TNK2: variants seen among roughly 807,000 people sequenced by gnomAD.
TNK2 encodes activated CDC42 kinase 1.
TNK2 carries 83 observed loss-of-function variants against 101.8 expected under a neutral mutation model. The ratio of observed to expected loss-of-function variants is 0.82; its 90% CI spans 0.68 to 0.98. The LOEUF is 0.98. TNK2 is among the 50% of genes least tolerant of loss of function. TNK2 has a pLI of 0.00. For missense variants in TNK2, 1,665 were observed against 1,483.2 expected (o/e 1.12, Z -2.01); for synonymous variants, 804 against 633.0 (o/e 1.27, Z -4.06).
chr3:195,898,420 G>T (rs887612123), intron 1 of TNK2, among the ~76,000 whole-genome samples: 7 of 152,166 alleles, frequency 4.6e-5, no homozygotes, highest in African/African-American at 1.4e-4. Flanking sequence ...CTGTCATGAA[G>T]AGTCCACCAC....
At chr3:195,903,234 G>T (rs1303926518) in intron 1 of TNK2, among the ~76,000 whole-genome samples, 2 of 149,858 alleles carry the variant, frequency 1.3e-5, no homozygotes, top group Non-Finnish European at 3.0e-5. Context: ...TGGAGGCGGG[G>T]TTTCACCATG....
intron 1 of TNK2, chr3:195,892,744 T>G (rs1381968256): frequency 5.2e-6 from 7 of 1,340,956 alleles, no homozygotes; most frequent in Non-Finnish European, 4.8e-6. Context: ...TCCAGGGCAG[T>G]GGTCACAGTC....
chr3:195,895,215 T>TATC (rs1188852336), intron 1 of TNK2: 2 of 1,483,882 alleles, frequency 1.3e-6, no homozygotes, highest in African/African-American at 2.9e-5. Flanking sequence ...GGGGCCCAGG[T>TATC]ATCTGGCTAT....
chr3:195,868,558 C>T lies in TNK2; in HGVS notation c.1740G>A (p.Gly580=), dbSNP rs978473548. Residue 580 remains glycine, a synonymous_variant, in exon 13 of 16, where the codon GGG becomes GGA. Coordinates refer to ENST00000672887, the MANE Select transcript of TNK2 (RefSeq NM_001382273.1). ...VPGTKASRGS[G]AEVTLIDFGE... is the part of the protein sequence containing the mutation. Reference sequence around the variant, plus strand: ...CGAAGTCGATGAGCGTGACCTCAGCCCCGCTGCCTCGGCTGGCCTTGGTGC... The same window carrying T: ...CGAAGTCGATGAGCGTGACCTCAGCTCCGCTGCCTCGGCTGGCCTTGGTGC... 5 of 1,573,182 alleles carry T rather than the reference C, an allele frequency of 3.2e-6. No individual in the cohort carries two copies. The African/African-American group carries it at 6.8e-5, about 21-fold the overall frequency.
chr3:195,863,544 C>T lies in TNK2; in HGVS notation c.*637G>A. 1 of 152,714 alleles carries T rather than the reference C, an allele frequency of 6.5e-6. No homozygotes were observed. The highest frequency in any genetic ancestry group is 1.9e-4 in the East Asian group (1 of 5,190). The allele number at this position is 152,714 out of a possible 1,614,324, so 9.5% of individuals were successfully genotyped here. A position where few individuals can be genotyped will look rare whatever the true frequency, so the allele number is the denominator to read the frequency against. On this transcript the variant is annotated 3_prime_UTR_variant, in exon 16 of 16. Coordinates refer to ENST00000672887, the MANE Select transcript of TNK2 (RefSeq NM_001382273.1). The stretch of plus-strand genomic sequence containing the variant: ...CTTGGTCTCCTTCCAGCCCTGGGGC[C>T]TTGGGCCCTGGTCCCCGCCAGAGAA...
chr3:195,902,911 G>A (rs7634904), intron 1 of TNK2, among the ~76,000 whole-genome samples: 21,124 of 150,848 alleles, frequency 0.14, 2,028 homozygotes, highest in East Asian at 0.39. Context: ...CATCACACCC[G>A]GCTAATTTTT....
chr3:195,898,225 C>CGGTCGGGTT (rs1363078589), intron 1 of TNK2, among the ~76,000 whole-genome samples: 3 of 152,130 alleles, frequency 2.0e-5, no homozygotes, highest in African/African-American at 2.4e-5. Context: ...CCAGACACAC[C>CGGTCGGGTT]GGTCGGGCTG....
chr3:195,878,660 T>G lies in TNK2; in HGVS notation c.1015-68A>C. 6.4e-7 allele frequency: 1 copy of G among 1,561,422 alleles called. No individual in the cohort carries two copies. Among genetic ancestry groups the G allele is most frequent in the Non-Finnish European group, 8.7e-7 (1 of 1,153,522 alleles). ...CCAGCCCTTCACTTCCCGCCTTCCC[T>G]CCAGCCCATCCACAGCTGCAGCGGC... On this transcript the variant is annotated intron_variant, in intron 7 of 15. Coordinates refer to ENST00000672887, the MANE Select transcript of TNK2 (RefSeq NM_001382273.1). This position sits in a 1 kb window ranked among gnomAD's most constrained non-coding sequence, Gnocchi z 4.7.
At chr3:195,887,812 GTGCATGCGGGTGTGCGCACA>G (rs1756483950) in intron 2 of TNK2, among the ~76,000 whole-genome samples, 1 of 148,766 alleles carries the variant, frequency 6.7e-6, no homozygotes, top group African/African-American at 2.5e-5. Flanking sequence ...TGCCGTGCGT[GTGCATGCGGGTGTGCGCACA>G]CACGTGTGTG....
chr3:195,878,621 G>C lies in TNK2; in HGVS notation c.1015-29C>G. 6.2e-7 allele frequency: 1 copy of C among 1,602,248 alleles called. No individual in the cohort carries two copies. Among genetic ancestry groups the C allele is most frequent in the Non-Finnish European group, 8.5e-7 (1 of 1,173,044 alleles). ...AAGGTGAGGAGGTGCAGAGTTTGAC[G>C]ACAAACAGAGCGCCCAGCCCTTCAC... is the stretch of plus-strand genomic sequence containing the variant. On this transcript the variant is annotated intron_variant, in intron 7 of 15. Transcript: ENST00000672887. This position sits in a 1 kb window ranked among gnomAD's most constrained non-coding sequence, Gnocchi z 4.7.
intron 1 of TNK2, among the ~76,000 whole-genome samples, chr3:195,907,045 C>T (rs1761796340): frequency 6.6e-6 from 1 of 152,170 alleles, no homozygotes. Context: ...GCGATATAAC[C>T]AGATCAAAAG....
At chr3:195,895,693 C>T (rs1049608637) in intron 1 of TNK2, 7 of 907,062 alleles carry the variant, frequency 7.7e-6, no homozygotes, top group East Asian at 6.9e-5. Flanking sequence ...GCCTCCAGGG[C>T]CCCAGAGCCA....
chr3:195,885,888 C>T lies in TNK2; in HGVS notation c.235-855G>A, dbSNP rs541551091. On this transcript the variant is annotated intron_variant, in intron 3 of 15. Coordinates refer to ENST00000672887, the MANE Select transcript of TNK2 (RefSeq NM_001382273.1). The surrounding 1 kb of genome is among the most constrained non-coding windows in gnomAD (Gnocchi z 4.7). Reference sequence around the variant, plus strand: ...GCCCCCAGAGCTGGTGGATCCTTATCCGTCTGGGCTAGGGTGCCTCAAATC... The same window carrying T: ...GCCCCCAGAGCTGGTGGATCCTTATTCGTCTGGGCTAGGGTGCCTCAAATC... 3.3e-6 allele frequency: 1 copy of T among 304,646 alleles called. No individual in the cohort carries two copies. The allele number at this position is 304,646 out of a possible 1,614,324, so 18.9% of individuals were successfully genotyped here. A position where few individuals can be genotyped will look rare whatever the true frequency, so the allele number is the denominator to read the frequency against.
At position 195,882,932 on chromosome 3, in the gene TNK2, T is replaced by G. The variant is rs1753848874; in HGVS notation, c.609+225A>C. On this transcript the variant is annotated intron_variant, in intron 5 of 15. Transcript: ENST00000672887. The surrounding 1 kb of genome is among the most constrained non-coding windows in gnomAD (Gnocchi z 4.2). ...CCAGCCCCTCCCATGGGAGTAACTCTCTTGACACTGAGCACCAGCAAAATC... is the reference window on the plus strand; with the variant it reads ...CCAGCCCCTCCCATGGGAGTAACTCGCTTGACACTGAGCACCAGCAAAATC... Among the ~76,000 whole-genome samples the G allele has an allele frequency of 6.6e-6, 1 of 152,098 alleles. No homozygotes were observed. The highest frequency in any genetic ancestry group is 2.1e-4 in the South Asian group (1 of 4,826).
Position 195,885,614 on chromosome 3 carries a change from G to A in TNK2, c.235-581C>T, listed in dbSNP as rs1402072618. The stretch of plus-strand genomic sequence containing the variant: ...TGTGTGTGTGGTTCAGATGAAGCTA[G>A]TCCTTGCTGGGAAGGGGCCTGGGAA... On this transcript the variant is annotated intron_variant, in intron 3 of 15. Coordinates refer to ENST00000672887, the MANE Select transcript of TNK2 (RefSeq NM_001382273.1). This position sits in a 1 kb window ranked among gnomAD's most constrained non-coding sequence, Gnocchi z 4.7. 7.8e-7 allele frequency: 1 copy of A among 1,287,092 alleles called. No homozygotes were observed. Among genetic ancestry groups the A allele is most frequent in the Non-Finnish European group, 1.0e-6 (1 of 986,454 alleles). 79.7% of individuals were successfully genotyped at this position (1,287,092 alleles called of 1,614,324 possible). A position where few individuals can be genotyped will look rare whatever the true frequency, so the allele number is the denominator to read the frequency against.
At chr3:195,881,523 A>G (rs1577062342) in intron 6 of TNK2, among the ~76,000 whole-genome samples, 1 of 71,356 alleles carries the variant, frequency 1.4e-5, no homozygotes. Context: ...CACGGCATCT[A>G]TCCCTGTAAC....
rs563668676 is a variant in TNK2 at position 195,886,826 on chromosome 3, A to G, written c.234+151T>C. The G allele has an allele frequency of 3.7e-6, 3 of 816,100 alleles. No individual in the cohort carries two copies. Among genetic ancestry groups the G allele is most frequent in the Non-Finnish European group, 6.2e-6 (3 of 481,330 alleles). The allele number at this position is 816,100 out of a possible 1,614,324, so 50.6% of individuals were successfully genotyped here. A position where few individuals can be genotyped will look rare whatever the true frequency, so the allele number is the denominator to read the frequency against. ...CAGCTCTACAAGTGCCCTGCCCGAT[A>G]AGACCCTGGACGAGGGGGTCCTGTA... On this transcript the variant is annotated intron_variant, in intron 3 of 15. Transcript: ENST00000672887. This position sits in a 1 kb window ranked among gnomAD's most constrained non-coding sequence, Gnocchi z 4.2.
In TNK2 at chr3:195,863,858, AC is replaced by A. The variant is rs1322561383; in HGVS notation, c.*322del. 2 of 366,086 alleles carry A rather than the reference AC, an allele frequency of 5.5e-6. No individual in the cohort carries two copies. The highest frequency in any genetic ancestry group is 1.0e-5 in the Non-Finnish European group (2 of 200,952). The allele number at this position is 366,086 out of a possible 1,614,324, so 22.7% of individuals were successfully genotyped here. A position where few individuals can be genotyped will look rare whatever the true frequency, so the allele number is the denominator to read the frequency against. ...AGGGCCTGGGGGTACTACTCCACCC[AC>A]AGGCCCCGCCCAGGACCAGGGCCAG... On this transcript the variant is annotated 3_prime_UTR_variant, in exon 16 of 16. Coordinates refer to ENST00000672887, the MANE Select transcript of TNK2 (RefSeq NM_001382273.1).
chr3:195,868,017 G>T lies in TNK2; in HGVS notation c.2281C>A (p.Pro761Thr), dbSNP rs551612119. ...KPQVPPRVPI[P>T]PRPTRPHVQL... Reference sequence around the variant, plus strand: ...ACGTGTGGGCGCGTGGGCCGAGGGGGGATGGGTACCCGAGGAGGCACCTGG... The same window carrying T: ...ACGTGTGGGCGCGTGGGCCGAGGGGTGATGGGTACCCGAGGAGGCACCTGG... The change falls in exon 13 of 16, where the codon CCC (proline) becomes ACC (threonine). Residue 761 changes from proline (P) to threonine (T), a missense_variant. Physicochemically the swap from Pro to Thr is conservative, Grantham distance 38. Coordinates refer to ENST00000672887, the MANE Select transcript of TNK2 (RefSeq NM_001382273.1). 3.8e-6 allele frequency: 6 copies of T among 1,582,776 alleles called. No individual in the cohort carries two copies. The highest frequency in any genetic ancestry group is 2.7e-5 in the African/African-American group (2 of 74,502).
Sources: gnomAD v4.1 joint callset for allele counts (sites outside exome capture counted in the v4.1 genomes callset) on GRCh38, gnomAD v4.1.1 for gene constraint, Gnocchi (gnomAD v3.1) non-coding constraint, MANE v1.5 for transcripts, NCBI Gene and HGNC (gene_info 2026-07-23, HGNC 2026-07-21) for gene names.